Variants in CRX observed in about 807,000 individuals in gnomAD.
CRX encodes the protein cone-rod homeobox protein.
A neutral mutation model predicts 13.1 loss-of-function variants in CRX; 5 were observed. The observed-to-expected ratio is 0.38, with a 90% CI of 0.20 to 0.80. CRX has a LOEUF of 0.80. CRX is among the 30% of genes least tolerant of loss of function. The pLI is 0.43. For missense variants in CRX, 351 were observed against 391.8 expected (o/e 0.90, Z 0.88); for synonymous variants, 179 against 171.1 (o/e 1.05, Z -0.36).
intron 1 of CRX, among the ~76,000 whole-genome samples, chr19:47,827,854 A>G (rs1258004772): frequency 1.0e-5 from 1 of 95,984 alleles, no homozygotes; most frequent in African/African-American, 3.3e-5. Flanking sequence ...AAAAAAAAAA[A>G]AAAAAAAAAA....
intron 1 of CRX, among the ~76,000 whole-genome samples, chr19:47,823,315 G>A (rs17272603): frequency 0.13 from 19,030 of 152,170 alleles, 1,361 homozygotes; most frequent in Non-Finnish European, 0.14. Flanking sequence ...GGTGTGATGC[G>A]GTTTTCCCAA....
chr19:47,831,615 G>T, intron 1 of CRX, among the ~76,000 whole-genome samples: 1 of 152,276 alleles, frequency 6.6e-6, no homozygotes, highest in Middle Eastern at 3.4e-3. Context: ...GTGCCAAAAA[G>T]GTTGAGGACT....
intron 1 of CRX, among the ~76,000 whole-genome samples, chr19:47,824,949 T>C (rs1213397787): frequency 1.3e-5 from 2 of 151,866 alleles, no homozygotes; most frequent in African/African-American, 4.8e-5. Context: ...ATTCTTTTTT[T>C]TTTTTCCTCC....
In CRX at chr19:47,839,758, G is replaced by T. The variant is rs758720802; in HGVS notation, c.691G>T (p.Gly231Cys). ...TTCTCCCATGGTGCCCCAGCTAGGG[G>T]GCCCGGCTCTTAGCCCCCTCTCTGG... ...YLSPMVPQLG[G>C]PALSPLSGPS... Residue 231 changes from glycine (G) to cysteine (C), a missense_variant, in exon 4 of 4, where the codon GGC (glycine) becomes TGC (cysteine). This residue lies in a region of CRX where 253 missense variants were observed against 268.3 expected (regional missense o/e 0.94). Coordinates refer to ENST00000221996, the MANE Select transcript of CRX (RefSeq NM_000554.6). The surrounding 1 kb of genome is among the most constrained non-coding windows in gnomAD (Gnocchi z 4.6). 1.9e-6 allele frequency: 3 copies of T among 1,614,070 alleles called. No homozygotes were observed. The East Asian group carries it at 6.7e-5, about 36-fold the overall frequency.
intron 1 of CRX, among the ~76,000 whole-genome samples, chr19:47,828,170 T>G (rs998438998): frequency 6.6e-6 from 1 of 151,896 alleles, no homozygotes; most frequent in Non-Finnish European, 1.5e-5. Context: ...AAAAAAATTT[T>G]TTTTTCCTTG....
At chr19:47,835,617 C>CTTTTTTTT (rs1431411160) in intron 2 of CRX, among the ~76,000 whole-genome samples, 4 of 86,136 alleles carry the variant, frequency 4.6e-5, no homozygotes, top group African/African-American at 1.8e-4. Context: ...TTCTTTAGCT[C>CTTTTTTTT]TTGTTTTTTT....
At chr19:47,828,110 A>C (rs8103989) in intron 1 of CRX, among the ~76,000 whole-genome samples, 109,179 of 151,324 alleles carry the variant, frequency 0.72, 40,704 homozygotes, top group African/African-American at 0.85. Context: ...GCCGAGATCA[A>C]GCCATTGCAC....
chr19:47,831,767 A>G (rs1968049405), intron 1 of CRX, among the ~76,000 whole-genome samples: 1 of 152,028 alleles, frequency 6.6e-6, no homozygotes, highest in Admixed American at 6.6e-5. Flanking sequence ...TTTGAGATGA[A>G]GTCTTGCTCT....
At chr19:47,828,805 C>T (rs2123733009) in intron 1 of CRX, among the ~76,000 whole-genome samples, 1 of 151,314 alleles carries the variant, frequency 6.6e-6, no homozygotes, top group East Asian at 1.9e-4. Context: ...TGAGTCCATC[C>T]TAATGAGGGC....
chr19:47,841,040 T>C lies in CRX; in HGVS notation c.*1073T>C, dbSNP rs897932754. 3 of 152,114 alleles carry C rather than the reference T, an allele frequency of 2.0e-5. No homozygotes were observed. The highest frequency in any genetic ancestry group is 7.2e-5 in the African/African-American group (3 of 41,414). The allele number at this position is 152,114 out of a possible 1,614,324, so 9.4% of individuals were successfully genotyped here. A position where few individuals can be genotyped will look rare whatever the true frequency, so the allele number is the denominator to read the frequency against. On this transcript the variant is annotated 3_prime_UTR_variant, in exon 4 of 4. Coordinates refer to ENST00000221996, the MANE Select transcript of CRX (RefSeq NM_000554.6). Reference sequence around the variant, plus strand: ...TACACGTGGACACTTCTTTAGCATATGGTTAGGGACCTTTCTAGAAATTCC... The same window carrying C: ...TACACGTGGACACTTCTTTAGCATACGGTTAGGGACCTTTCTAGAAATTCC...
At chr19:47,822,407 C>T (rs549568734) in intron 1 of CRX, among the ~76,000 whole-genome samples, 2 of 152,304 alleles carry the variant, frequency 1.3e-5, no homozygotes, top group South Asian at 2.1e-4. Context: ...TTTTCATTTG[C>T]GCGATGATCC....
chr19:47,831,522 T>A (rs1968045920), intron 1 of CRX, among the ~76,000 whole-genome samples: 2 of 151,890 alleles, frequency 1.3e-5, no homozygotes, highest in South Asian at 4.2e-4. Context: ...GCGAGAGATC[T>A]AGGTTGTACA....
chr19:47,841,592 GT>G lies in CRX; in HGVS notation c.*1629del, dbSNP rs1433566801. Reference sequence around the variant, plus strand: ...TTAGATTTTTTTTTTTTTTTTTTTGGTTTTCAGTTTTGATGGTGGGATTGGA... The same window carrying G: ...TTAGATTTTTTTTTTTTTTTTTTTGGTTTCAGTTTTGATGGTGGGATTGGA... On this transcript the variant is annotated 3_prime_UTR_variant, in exon 4 of 4. Coordinates refer to ENST00000221996, the MANE Select transcript of CRX (RefSeq NM_000554.6). 1 of 134,802 alleles carries G rather than the reference GT, an allele frequency of 7.4e-6. No individual in the cohort carries two copies. Among genetic ancestry groups the G allele is most frequent in the African/African-American group, 3.1e-5 (1 of 31,980 alleles). The allele number at this position is 134,802 out of a possible 1,614,324, so 8.4% of individuals were successfully genotyped here. A position where few individuals can be genotyped will look rare whatever the true frequency, so the allele number is the denominator to read the frequency against.
chr19:47,828,241 C>T lies in CRX; in HGVS notation c.-35-6168C>T, dbSNP rs1396343422. Among the ~76,000 whole-genome samples, 6 of 151,982 alleles carry T rather than the reference C, an allele frequency of 3.9e-5. No individual in the cohort carries two copies. In the South Asian group the frequency reaches 1.2e-3, roughly 32 times the overall value. On this transcript the variant is annotated intron_variant, in intron 1 of 3. Transcript: ENST00000221996. ...GTTCAATTCTATGAGAACAGAGAAG[C>T]TGCGGTCTTATTTCTTCCTATATTC...
chr19:47,828,738 G>T (rs1968007200), intron 1 of CRX, among the ~76,000 whole-genome samples: 1 of 151,738 alleles, frequency 6.6e-6, no homozygotes, highest in African/African-American at 2.4e-5. Context: ...TGGGGGAGAG[G>T]CGTTCCTAGC....
At position 47,839,138 on chromosome 19, in the gene CRX, G is replaced by A. The variant is rs1440690561; in HGVS notation, c.253-182G>A. ...TGTATGCATGTGTTCATGCACACAT[G>A]CAGGTATGATTGGATGGATAGATGG... is the stretch of plus-strand genomic sequence containing the variant. On this transcript the variant is annotated intron_variant, in intron 3 of 3. Transcript: ENST00000221996. The surrounding 1 kb of genome is among the most constrained non-coding windows in gnomAD (Gnocchi z 4.6). Among the ~76,000 whole-genome samples the A allele has an allele frequency of 6.6e-6, 1 of 152,054 alleles. No homozygotes were observed. The highest frequency in any genetic ancestry group is 1.5e-5 in the Non-Finnish European group (1 of 67,984).
intron 1 of CRX, among the ~76,000 whole-genome samples, chr19:47,833,542 A>G (rs1163056008): frequency 6.6e-6 from 1 of 152,034 alleles, no homozygotes; most frequent in Non-Finnish European, 1.5e-5. Flanking sequence ...TCAGCCTCCC[A>G]AAGTGCTGGG....
intron 1 of CRX, among the ~76,000 whole-genome samples, chr19:47,832,105 G>GTTTTTTTTTTC (rs1968055193): frequency 1.1e-5 from 1 of 91,988 alleles, no homozygotes; most frequent in African/African-American, 4.6e-5. Context: ...GCAGCCTTAT[G>GTTTTTTTTTTC]TTTTTTTTTT....
rs1968213121 is a variant in CRX, at chr19:47,842,678, G to A, written c.*2711G>A. The A allele has an allele frequency of 6.6e-6, 1 of 152,310 alleles. No individual in the cohort carries two copies. The highest frequency in any genetic ancestry group is 2.4e-5 in the African/African-American group (1 of 41,452). 9.4% of individuals were successfully genotyped at this position (152,310 alleles called of 1,614,324 possible). On this transcript the variant is annotated 3_prime_UTR_variant, in exon 4 of 4. Coordinates refer to ENST00000221996, the MANE Select transcript of CRX (RefSeq NM_000554.6). ...GGAAGACAACATATGTCACTGGGGA[G>A]GCTGGGGGAGCTAGACAAAATTCAC...
Sources: allele counts gnomAD v4.1 joint callset (sites outside exome capture counted in the v4.1 genomes callset), GRCh38; gene constraint gnomAD v4.1.1; regional missense constraint gnomAD v4.1.1; non-coding constraint Gnocchi (gnomAD v3.1); transcripts MANE v1.5; gene names NCBI Gene and HGNC (gene_info 2026-07-23, HGNC 2026-07-21).